Variants in CNTLN observed in about 807,000 individuals in gnomAD.
CNTLN encodes centlein.
Under a neutral mutation model 180.0 loss-of-function variants are expected in CNTLN, and 212 were observed. That is an observed-to-expected ratio of 1.18 (90% CI 1.05 to 1.32). The LOEUF is 1.32. CNTLN is among the 40% of genes most tolerant of loss of function. CNTLN has a pLI of 0.00. For synonymous variants in CNTLN, 722 were observed against 563.1 expected (o/e 1.28, Z -3.99); for missense variants, 2,095 against 1,610.9 (o/e 1.30, Z -5.14).
chr9:17,224,678 T>G (rs1359455496), intron 2 of CNTLN, among the ~76,000 whole-genome samples: 2 of 152,046 alleles, frequency 1.3e-5, no homozygotes, highest in Non-Finnish European at 2.9e-5. Flanking sequence ...TTATAATTTT[T>G]TATCTTCAAG....
intron 23 of CNTLN, 130 bp downstream of exon 23, chr9:17,467,021 A>G (rs979221319): frequency 9.6e-6 from 5 of 518,518 alleles, no homozygotes; most frequent in Non-Finnish European, 1.3e-5. Flanking sequence ...CTTCTACCCT[A>G]TTTATCACAT....
intron 6 of CNTLN, among the ~76,000 whole-genome samples, chr9:17,293,806 A>T (rs1469893529): frequency 6.6e-6 from 1 of 152,072 alleles, no homozygotes; most frequent in Non-Finnish European, 1.5e-5. Context: ...AGAGGCCACC[A>T]AGAGGCTGCC....
Position 17,299,780 on chromosome 9 carries a change from G to A in CNTLN, c.1146+1428G>A, listed in dbSNP as rs144049685. 3.0e-4 allele frequency: 295 copies of A among 983,328 alleles called. No homozygotes were observed. The African/African-American group carries it at 4.4e-3, about 15-fold the overall frequency. 60.9% of individuals were successfully genotyped at this position (983,328 alleles called of 1,614,324 possible). A position where few individuals can be genotyped will look rare whatever the true frequency, so the allele number is the denominator to read the frequency against. On this transcript the variant is annotated intron_variant, in intron 7 of 25. Transcript: ENST00000380647. ...TAATTGTTATTAATACTAATTAATT[G>A]TTTTCTCTTTTTCCCCCATTGATGA...
chr9:17,312,048 A>G (rs889794714), intron 8 of CNTLN, among the ~76,000 whole-genome samples: 1 of 152,082 alleles, frequency 6.6e-6, no homozygotes, highest in Non-Finnish European at 1.5e-5. Flanking sequence ...GTAGCTTTAT[A>G]GTAACTTTTG....
chr9:17,416,207 A>G lies in CNTLN; in HGVS notation c.3114+18A>G, dbSNP rs1320870928. The G allele has an allele frequency of 6.4e-7, 1 of 1,568,100 alleles. No homozygotes were observed. Among genetic ancestry groups the G allele is most frequent in the Non-Finnish European group, 8.8e-7 (1 of 1,141,554 alleles). On this transcript the variant is annotated intron_variant, in intron 18 of 25. Transcript: ENST00000380647. ...CAATAAAGGTAAAGAGAACTTTAAG[A>G]TTGAACAGTAGTATACTATATTGTA...
Position 17,330,762 on chromosome 9 carries a change from G to C in CNTLN, c.1472G>C (p.Gly491Ala). The C allele has an allele frequency of 1.9e-6, 3 of 1,610,656 alleles. No individual in the cohort carries two copies. Among genetic ancestry groups the C allele is most frequent in the Non-Finnish European group, 2.5e-6 (3 of 1,178,230 alleles). ...KLSENISANKGFSRKSIMTSA... is the reference protein window; with the variant it reads ...KLSENISANKAFSRKSIMTSA... ...TCAGAAAACATATCTGCCAACAAGG[G>C]TTTCTCCCGAAAGAGCATCATGACA... Residue 491 changes from glycine to alanine, a missense_variant, in exon 9 of 26, where the codon GGT becomes GCT. Coordinates refer to ENST00000380647, the MANE Select transcript of CNTLN (RefSeq NM_017738.4).
intron 2 of CNTLN, among the ~76,000 whole-genome samples, chr9:17,156,749 A>G (rs1819320219): frequency 6.6e-6 from 1 of 152,226 alleles, no homozygotes; most frequent in Admixed American, 6.5e-5. Context: ...ATTGCAATAA[A>G]GCAAATATTA....
chr9:17,333,858 G>A (rs537515650), intron 10 of CNTLN, among the ~76,000 whole-genome samples: 2 of 152,190 alleles, frequency 1.3e-5, no homozygotes, highest in African/African-American at 4.8e-5. Flanking sequence ...AGCAATTACT[G>A]AGCATTGCAA....
chr9:17,357,908 C>A (rs1260922171), intron 12 of CNTLN, among the ~76,000 whole-genome samples: 1 of 151,656 alleles, frequency 6.6e-6, no homozygotes, highest in African/African-American at 2.4e-5. Context: ...GTATTTCAGG[C>A]TTTAGAACAG....
At chr9:17,288,104 T>G (rs1829111025) in intron 6 of CNTLN, among the ~76,000 whole-genome samples, 1 of 131,806 alleles carries the variant, frequency 7.6e-6, no homozygotes, top group Admixed American at 7.4e-5. Context: ...GATGTTAGGG[T>G]GTCAATTTTG....
chr9:17,403,251 GC>G (rs1468786263), intron 15 of CNTLN, among the ~76,000 whole-genome samples: 1 of 151,778 alleles, frequency 6.6e-6, no homozygotes, highest in Non-Finnish European at 1.5e-5. Context: ...CTGAGGGCTT[GC>G]TTAATGGGTT....
intron 6 of CNTLN, among the ~76,000 whole-genome samples, chr9:17,297,763 C>T (rs753255437): frequency 2.0e-4 from 30 of 151,998 alleles, no homozygotes; most frequent in Non-Finnish European, 3.1e-4. Context: ...CTTAAGTTTG[C>T]CCTTTGGGAT....
At chr9:17,379,088 T>C (rs1165589264) in intron 13 of CNTLN, among the ~76,000 whole-genome samples, 4 of 152,084 alleles carry the variant, frequency 2.6e-5, no homozygotes, top group Admixed American at 2.6e-4. Flanking sequence ...TACTCCACTG[T>C]CTTCTGGTGT....
chr9:17,193,836 C>T (rs370522503), intron 2 of CNTLN, among the ~76,000 whole-genome samples: 4 of 152,196 alleles, frequency 2.6e-5, no homozygotes, highest in Non-Finnish European at 4.4e-5. Context: ...CATGAGCGCC[C>T]GCCCTGCAAC....
At chr9:17,306,843 GA>G (rs1185386251) in intron 7 of CNTLN, among the ~76,000 whole-genome samples, 1 of 152,134 alleles carries the variant, frequency 6.6e-6, no homozygotes, top group African/African-American at 2.4e-5. Flanking sequence ...CCCGAGATTA[GA>G]AAGTGGTTAA....
chr9:17,219,585 T>G (rs1009145014), intron 2 of CNTLN, among the ~76,000 whole-genome samples: 6 of 152,054 alleles, frequency 3.9e-5, no homozygotes, highest in African/African-American at 1.4e-4. Flanking sequence ...ATTTTTGAAG[T>G]TTTTATTTTA....
intron 18 of CNTLN, among the ~76,000 whole-genome samples, chr9:17,452,613 G>C (rs760396042): frequency 6.6e-6 from 1 of 152,082 alleles, no homozygotes; most frequent in Admixed American, 6.6e-5. Flanking sequence ...CTACCTAAAG[G>C]CAAGGATTAT....
intron 13 of CNTLN, among the ~76,000 whole-genome samples, chr9:17,372,567 A>G (rs1255756642): frequency 1.3e-5 from 2 of 152,148 alleles, no homozygotes; most frequent in Non-Finnish European, 2.9e-5. Flanking sequence ...ACTAACTCCA[A>G]TCCTACTCAA....
intron 12 of CNTLN, among the ~76,000 whole-genome samples, chr9:17,361,119 G>T (rs905944909): frequency 1.3e-5 from 2 of 151,938 alleles, no homozygotes; most frequent in Admixed American, 6.6e-5. Context: ...GTGCAGGTTT[G>T]TTACATATGT....
Sources: gnomAD v4.1 joint callset for allele counts (sites outside exome capture counted in the v4.1 genomes callset) on GRCh38, gnomAD v4.1.1 for gene constraint, MANE v1.5 for transcripts, NCBI Gene and HGNC (gene_info 2026-07-23, HGNC 2026-07-21) for gene names.